PXDC1: variants seen among roughly 807,000 people sequenced by gnomAD.
The protein encoded by PXDC1 is PX domain-containing protein 1.
Under a neutral mutation model 24.4 loss-of-function variants are expected in PXDC1, and 13 were observed. That is an observed-to-expected ratio of 0.53 (90% CI 0.35 to 0.85). PXDC1 has a LOEUF of 0.85. Ranked by LOEUF, PXDC1 falls within the 40% of genes least tolerant of loss-of-function variation. PXDC1 has a pLI of 0.01. For missense variants in PXDC1, 344 were observed against 309.3 expected (o/e 1.11, Z -0.84); for synonymous variants, 162 against 124.9 (o/e 1.30, Z -1.98).
intron 1 of PXDC1, 100 bp from the exon 2 acceptor site, chr6:3,738,248 A>G: frequency 1.2e-6 from 1 of 858,412 alleles, no homozygotes. Context: ...CAGGGTCGTC[A>G]TCTGTAATGA....
chr6:3,746,978 A>C (rs1760585050), intron 1 of PXDC1, among the ~76,000 whole-genome samples: 1 of 152,174 alleles, frequency 6.6e-6, no homozygotes. Flanking sequence ...CTAAGACGAC[A>C]GTCTCCTAGC....
intron 1 of PXDC1, among the ~76,000 whole-genome samples, chr6:3,747,688 C>T (rs73355093): frequency 0.017 from 2,520 of 152,328 alleles, 80 homozygotes; most frequent in African/African-American, 0.056. Flanking sequence ...TCCCCCTGCT[C>T]CTGTAAGTCG....
intron 1 of PXDC1, among the ~76,000 whole-genome samples, chr6:3,744,860 C>T (rs1046092445): frequency 1.2e-4 from 19 of 152,182 alleles, no homozygotes; most frequent in African/African-American, 9.6e-5. Context: ...CTACCAGGCT[C>T]GGCTAATTTT....
chr6:3,751,226 C>G, intron 1 of PXDC1, 50 bp downstream of exon 1: 1 of 1,369,642 alleles, frequency 7.3e-7, no homozygotes, highest in Non-Finnish European at 9.6e-7. Context: ...CCTTCGTGCA[C>G]TTCAAGGCTG....
rs1760005712 is a variant in PXDC1 at position 3,724,235 on chromosome 6, C to T, written c.579-499G>A. On this transcript the variant is annotated intron_variant, in intron 4 of 4. Coordinates refer to ENST00000380283, the MANE Select transcript of PXDC1 (RefSeq NM_183373.4). This position sits in a 1 kb window ranked among gnomAD's most constrained non-coding sequence, Gnocchi z 4.5. ...GAGCCGGCGAGGCCCGTGGAGGTCACGGGGGGAGACACCTTCTAGCGGGGA... is the reference window on the plus strand; with the variant it reads ...GAGCCGGCGAGGCCCGTGGAGGTCATGGGGGGAGACACCTTCTAGCGGGGA... 1.3e-5 allele frequency among the ~76,000 whole-genome samples: 2 copies of T among 151,922 alleles called. No individual in the cohort carries two copies. Among genetic ancestry groups the T allele is most frequent in the African/African-American group, 4.8e-5 (2 of 41,340 alleles).
chr6:3,744,363 CCAGGAGGGCCAA>C (rs1760517415), intron 1 of PXDC1, among the ~76,000 whole-genome samples: 1 of 152,186 alleles, frequency 6.6e-6, no homozygotes, highest in East Asian at 1.9e-4. Flanking sequence ...GTCATGCTAG[CCAGGAGGGCCAA>C]CAGGAGGCAA....
At chr6:3,738,815 G>A (rs1327641446) in intron 1 of PXDC1, 14 of 1,303,176 alleles carry the variant, frequency 1.1e-5, no homozygotes, top group Non-Finnish European at 1.4e-5. Context: ...AGGCATGAAG[G>A]CTCGGGTGCT....
At chr6:3,745,771 C>G (rs1288327285) in intron 1 of PXDC1, among the ~76,000 whole-genome samples, 2 of 152,252 alleles carry the variant, frequency 1.3e-5, no homozygotes, top group African/African-American at 2.4e-5. Context: ...AGACTGACAG[C>G]TGCCACCTAT....
Position 3,751,336 on chromosome 6 carries a change from G to T in PXDC1, c.196C>A (p.Arg66Ser). 2 of 1,551,200 alleles carry T rather than the reference G, an allele frequency of 1.3e-6. No homozygotes were observed. Among genetic ancestry groups the T allele is most frequent in the Non-Finnish European group, 1.7e-6 (2 of 1,151,868 alleles). Residue 66 changes from arginine to serine, a missense_variant, in exon 1 of 5, where the codon CGC (arginine) becomes AGC (serine). Transcript: ENST00000380283. The stretch of plus-strand genomic sequence containing the variant: ...TCCTCGGGAAAGGCGTCGCGCAGGC[G>T]CTGCCACAGGCGGCCCAGGTCCGCC... Reference protein sequence around the residue: ...SLADLGRLWQRLRDAFPEDRS... With the variant: ...SLADLGRLWQSLRDAFPEDRS...
At chr6:3,738,281 C>T in intron 1 of PXDC1, 133 bp from the exon 2 acceptor site, 1 of 708,086 alleles carries the variant, frequency 1.4e-6, no homozygotes, top group Non-Finnish European at 2.5e-6. Flanking sequence ...ATTCATTCAG[C>T]CTTATGCACC....
chr6:3,747,975 A>G (rs1454907373), intron 1 of PXDC1, among the ~76,000 whole-genome samples: 1 of 152,214 alleles, frequency 6.6e-6, no homozygotes, highest in African/African-American at 2.4e-5. Context: ...CGGGAACACA[A>G]TCTGTTGCTG....
chr6:3,736,342 G>A (rs145261677), intron 3 of PXDC1, among the ~76,000 whole-genome samples: 32 of 152,206 alleles, frequency 2.1e-4, no homozygotes, highest in African/African-American at 7.0e-4. Context: ...TCCTCTGGCT[G>A]AGCCATGTCT....
chr6:3,744,904 C>T (rs967429225), intron 1 of PXDC1, among the ~76,000 whole-genome samples: 2 of 152,152 alleles, frequency 1.3e-5, no homozygotes, highest in Admixed American at 6.5e-5. Context: ...TTCACCACGT[C>T]GGCCAGGCTG....
chr6:3,748,808 G>A lies in PXDC1; in HGVS notation c.256+2468C>T, dbSNP rs114232775. Among the ~76,000 whole-genome samples, 928 of 152,244 alleles carry A rather than the reference G, an allele frequency of 6.1e-3. 5 individuals are homozygous for A. Among genetic ancestry groups the A allele is most frequent in the Non-Finnish European group, 9.7e-3 (658 of 68,006 alleles). On this transcript the variant is annotated intron_variant, in intron 1 of 4. Transcript: ENST00000380283. ...GAACTAGAGAATGCAAATCTAACCC[G>A]TCCCAGAAACAGTTCAATCCATGTA...
At chr6:3,730,426 T>C (rs938501600) in intron 3 of PXDC1, among the ~76,000 whole-genome samples, 2 of 152,246 alleles carry the variant, frequency 1.3e-5, no homozygotes, top group South Asian at 4.1e-4. Context: ...GGAGCACAGA[T>C]TCTCTAACAG....
chr6:3,743,243 G>T (rs148710938), intron 1 of PXDC1, among the ~76,000 whole-genome samples: 19 of 152,224 alleles, frequency 1.2e-4, no homozygotes, highest in Non-Finnish European at 2.5e-4. Context: ...GAGGTCACAC[G>T]TTAAAGAGCG....
chr6:3,733,793 C>T (rs150655382), intron 3 of PXDC1, among the ~76,000 whole-genome samples: 1 of 152,328 alleles, frequency 6.6e-6, no homozygotes, highest in Non-Finnish European at 1.5e-5. Flanking sequence ...AAGTCGCCCA[C>T]AGTTACTTCT....
At chr6:3,727,523 G>A in intron 4 of PXDC1, 28 bp downstream of exon 4, 1 of 1,495,514 alleles carries the variant, frequency 6.7e-7, no homozygotes, top group Non-Finnish European at 9.3e-7. Context: ...GACAGTCTAT[G>A]AAACGATATT....
rs1253972148 is a variant in PXDC1 at position 3,724,706 on chromosome 6, C to A, written c.579-970G>T. Among the ~76,000 whole-genome samples, 1 of 152,210 alleles carries A rather than the reference C, an allele frequency of 6.6e-6. No individual in the cohort carries two copies. Among genetic ancestry groups the A allele is most frequent in the Non-Finnish European group, 1.5e-5 (1 of 68,036 alleles). On this transcript the variant is annotated intron_variant, in intron 4 of 4. Transcript: ENST00000380283. The surrounding 1 kb of genome is among the most constrained non-coding windows in gnomAD (Gnocchi z 4.5). ...ACTGAAGGTGGCCCTGGCCCGTGGA[C>A]AACTGTGGGAACTCAGCCATCTCTG...
Sources: gnomAD v4.1 joint callset for allele counts (sites outside exome capture counted in the v4.1 genomes callset) on GRCh38, gnomAD v4.1.1 for gene constraint, Gnocchi (gnomAD v3.1) non-coding constraint, MANE v1.5 for transcripts, NCBI Gene and HGNC (gene_info 2026-07-23, HGNC 2026-07-21) for gene names.